RSPO2: variants seen among roughly 807,000 people sequenced by gnomAD.
The protein encoded by RSPO2 is R-spondin-2.
Under a neutral mutation model 30.9 loss-of-function variants are expected in RSPO2, and 14 were observed. The observed-to-expected ratio is 0.45, with a 90% CI of 0.30 to 0.71. The LOEUF (loss-of-function observed/expected upper bound fraction) is 0.71. RSPO2 is among the 30% of genes least tolerant of loss of function. The pLI, the probability that RSPO2 is intolerant of heterozygous loss-of-function variation, is 0.08. For synonymous variants in RSPO2, 107 were observed against 96.4 expected (o/e 1.11, Z -0.64); for missense variants, 264 against 301.9 (o/e 0.87, Z 0.93).
At chr8:107,932,030 A>T (rs1329987284) in intron 5 of RSPO2, among the ~76,000 whole-genome samples, 1 of 152,220 alleles carries the variant, frequency 6.6e-6, no homozygotes, top group African/African-American at 2.4e-5. Flanking sequence ...TCCAAAATAC[A>T]GTTAATGCTT....
At chr8:107,907,519 G>C (rs1476131011) in intron 5 of RSPO2, among the ~76,000 whole-genome samples, 1 of 151,994 alleles carries the variant, frequency 6.6e-6, no homozygotes, top group Non-Finnish European at 1.5e-5. Flanking sequence ...TTTTCAAAGG[G>C]TCACTTAGTC....
At chr8:107,975,672 A>G (rs1450709021) in intron 3 of RSPO2, among the ~76,000 whole-genome samples, 4 of 152,232 alleles carry the variant, frequency 2.6e-5, no homozygotes, top group Non-Finnish European at 1.5e-5. Flanking sequence ...TGTACTGAGA[A>G]CTTATGAGAT....
chr8:107,980,857 C>A (rs556200995), intron 3 of RSPO2, among the ~76,000 whole-genome samples: 1 of 152,164 alleles, frequency 6.6e-6, no homozygotes, highest in South Asian at 2.1e-4. Context: ...AATACTAACC[C>A]CATTGGCCCA....
intron 3 of RSPO2, among the ~76,000 whole-genome samples, chr8:107,979,398 G>A (rs1256314965): frequency 6.6e-6 from 1 of 152,108 alleles, no homozygotes; most frequent in Non-Finnish European, 1.5e-5. Context: ...GGATGAAGCT[G>A]GAAACCATCA....
intron 2 of RSPO2, among the ~76,000 whole-genome samples, chr8:108,061,238 G>C (rs570165703): frequency 2.0e-5 from 3 of 151,898 alleles, no homozygotes; most frequent in African/African-American, 7.3e-5. Flanking sequence ...ACACAGACTG[G>C]CAAACTGGAT....
At chr8:108,001,003 A>T (rs551066016) in intron 2 of RSPO2, among the ~76,000 whole-genome samples, 139 of 151,110 alleles carry the variant, frequency 9.2e-4, no homozygotes, top group African/African-American at 3.3e-3. Flanking sequence ...ACTCTGTCTT[A>T]AAAAAATAAA....
chr8:107,963,521 T>TAAAA (rs1456602158), intron 3 of RSPO2, among the ~76,000 whole-genome samples: 1 of 8,132 alleles, frequency 1.2e-4, no homozygotes, highest in Non-Finnish European at 2.1e-4. Context: ...GAGACCTGTC[T>TAAAA]CAAAAAAAAA....
intron 3 of RSPO2, among the ~76,000 whole-genome samples, chr8:107,986,103 T>C (rs192882727): frequency 6.6e-6 from 1 of 152,238 alleles, no homozygotes; most frequent in Non-Finnish European, 1.5e-5. Flanking sequence ...AAAGTGGATA[T>C]CATTTCAAAT....
chr8:107,956,457 A>G (rs1201227169), intron 5 of RSPO2, among the ~76,000 whole-genome samples: 1 of 152,240 alleles, frequency 6.6e-6, no homozygotes, highest in Non-Finnish European at 1.5e-5. Context: ...TGCTGACAGT[A>G]TCAAGTTGTA....
chr8:107,915,219 C>T (rs1018337081), intron 5 of RSPO2, among the ~76,000 whole-genome samples: 6 of 152,096 alleles, frequency 3.9e-5, no homozygotes, highest in Middle Eastern at 3.2e-3. Flanking sequence ...TACAAATATC[C>T]TTAAATGTAA....
intron 5 of RSPO2, among the ~76,000 whole-genome samples, chr8:107,929,817 A>C (rs1812496670): frequency 6.6e-6 from 1 of 152,178 alleles, no homozygotes; most frequent in East Asian, 1.9e-4. Flanking sequence ...CATGAAGAAA[A>C]ATGCAAAGCA....
chr8:108,070,095 T>C (rs1335484149), intron 2 of RSPO2, among the ~76,000 whole-genome samples: 1 of 152,138 alleles, frequency 6.6e-6, no homozygotes, highest in Non-Finnish European at 1.5e-5. Flanking sequence ...AAATTCATAT[T>C]GAATGTCAAT....
intron 2 of RSPO2, among the ~76,000 whole-genome samples, chr8:108,034,110 T>C (rs1811513739): frequency 6.6e-6 from 1 of 152,148 alleles, no homozygotes; most frequent in African/African-American, 2.4e-5. Context: ...AGGGGATAGA[T>C]CATAATGCTC....
intron 5 of RSPO2, among the ~76,000 whole-genome samples, chr8:107,929,036 C>T (rs1344716385): frequency 1.3e-5 from 2 of 152,154 alleles, no homozygotes; most frequent in African/African-American, 2.4e-5. Flanking sequence ...GGACCGCATG[C>T]CCTGACACTG....
chr8:108,082,684 T>G lies in RSPO2; in HGVS notation c.-46A>C. ...GAGACGCCTCTCAAAGTCTAGGAACTGGAGGGTTCGCCCAAAGAGCCGGCG... is the reference window on the plus strand; with the variant it reads ...GAGACGCCTCTCAAAGTCTAGGAACGGGAGGGTTCGCCCAAAGAGCCGGCG... On this transcript the variant is annotated 5_prime_UTR_variant, in exon 2 of 6. Transcript: ENST00000276659. The G allele has an allele frequency of 2.0e-6, 3 of 1,537,086 alleles. No homozygotes were observed. Among genetic ancestry groups the G allele is most frequent in the Non-Finnish European group, 2.7e-6 (3 of 1,113,186 alleles).
In RSPO2 at chr8:107,925,012, A is replaced by G. The variant is rs17317678; in HGVS notation, c.617-23822T>C. ...AATAAGATCACTATCCTGCACTCAG[A>G]TAAACCTCATAGCTATCTCCCATTT... On this transcript the variant is annotated intron_variant, in intron 5 of 5. Coordinates refer to ENST00000276659, the MANE Select transcript of RSPO2 (RefSeq NM_178565.5). Among the ~76,000 whole-genome samples the G allele has an allele frequency of 9.8e-3, 1,495 of 152,248 alleles. 11 individuals are homozygous for G. The highest frequency in any genetic ancestry group is 0.02 in the Middle Eastern group (6 of 294).
chr8:107,966,531 G>C (rs1813812840), intron 3 of RSPO2, among the ~76,000 whole-genome samples: 1 of 152,160 alleles, frequency 6.6e-6, no homozygotes, highest in Admixed American at 6.5e-5. Flanking sequence ...CCATTGGTAG[G>C]CTCAACAATC....
chr8:108,005,448 C>G (rs1386938106), intron 2 of RSPO2, among the ~76,000 whole-genome samples: 1 of 152,074 alleles, frequency 6.6e-6, no homozygotes, highest in African/African-American at 2.4e-5. Flanking sequence ...GAAGGTGATT[C>G]TTTAACTCCG....
chr8:107,927,825 C>G, intron 5 of RSPO2, among the ~76,000 whole-genome samples: 1 of 151,908 alleles, frequency 6.6e-6, no homozygotes, highest in East Asian at 1.9e-4. Context: ...ATTTTTGTAT[C>G]GATGTTCATC....
Sources: gnomAD v4.1 joint callset for allele counts (sites outside exome capture counted in the v4.1 genomes callset) on GRCh38, gnomAD v4.1.1 for gene constraint, MANE v1.5 for transcripts, NCBI Gene and HGNC (gene_info 2026-07-23, HGNC 2026-07-21) for gene names.